Variants in PARD3B observed in about 807,000 individuals in gnomAD.
PARD3B encodes the protein par-3 family cell polarity regulator beta.
Under a neutral mutation model 130.2 loss-of-function variants are expected in PARD3B, and 103 were observed. That is an observed-to-expected ratio of 0.79 (90% CI 0.67 to 0.93). The LOEUF is 0.93. PARD3B is among the 40% of genes least tolerant of loss of function. The pLI is 0.00. For missense variants in PARD3B, 1,609 were observed against 1,499.2 expected (o/e 1.07, Z -1.21); for synonymous variants, 583 against 553.2 (o/e 1.05, Z -0.76).
intron 16 of PARD3B, among the ~76,000 whole-genome samples, chr2:205,275,450 A>G (rs2040902007): frequency 1.3e-5 from 2 of 152,154 alleles, no homozygotes; most frequent in Non-Finnish European, 2.9e-5. Flanking sequence ...AAGAGTTGAT[A>G]ATGACTTCAT....
intron 22 of PARD3B, among the ~76,000 whole-genome samples, chr2:205,566,706 T>C (rs1402506484): frequency 6.6e-6 from 1 of 152,138 alleles, no homozygotes; most frequent in Non-Finnish European, 1.5e-5. Context: ...AGCAAATGTG[T>C]ATTCATGAAA....
chr2:204,690,285 G>T (rs745606239), intron 2 of PARD3B, among the ~76,000 whole-genome samples: 1 of 152,172 alleles, frequency 6.6e-6, no homozygotes, highest in Non-Finnish European at 1.5e-5. Flanking sequence ...TATAGACTGT[G>T]CTGTTTTCAG....
At chr2:205,131,916 C>T (rs2032038029) in intron 10 of PARD3B, among the ~76,000 whole-genome samples, 1 of 152,040 alleles carries the variant, frequency 6.6e-6, no homozygotes, top group African/African-American at 2.4e-5. Flanking sequence ...GAGCTTGGGA[C>T]CTGGAATCCG....
At position 205,473,696 on chromosome 2, in the gene PARD3B, A is replaced by ATG. The variant is rs1559127073; in HGVS notation, c.3045-26199_3045-26198insGT. Among the ~76,000 whole-genome samples, 4 of 124,618 alleles carry ATG rather than the reference A, an allele frequency of 3.2e-5. No individual in the cohort carries two copies. The highest frequency in any genetic ancestry group is 4.0e-4 in the East Asian group (2 of 5,018). The allele number at this position is 124,618 out of a possible 152,430, so 81.8% of individuals were successfully genotyped here. On this transcript the variant is annotated intron_variant, in intron 20 of 22. Transcript: ENST00000406610. This position sits in a 1 kb window ranked among gnomAD's most constrained non-coding sequence, Gnocchi z 4.9. ...TGTGTGTGTGTATGTATATATATAT[A>ATG]TATATATATATATACACACACACGT...
chr2:204,960,766 A>AT (rs1690678629), intron 2 of PARD3B, among the ~76,000 whole-genome samples: 1 of 152,140 alleles, frequency 6.6e-6, no homozygotes, highest in Admixed American at 6.6e-5. Context: ...TGGAGCTTAC[A>AT]TTCTAGTGAG....
intron 1 of PARD3B, among the ~76,000 whole-genome samples, chr2:204,624,389 C>G (rs2034409238): frequency 6.6e-6 from 1 of 151,996 alleles, no homozygotes; most frequent in Non-Finnish European, 1.5e-5. Context: ...ATGGTACAGG[C>G]TACCGTGCAA....
intron 2 of PARD3B, among the ~76,000 whole-genome samples, chr2:204,721,070 A>G (rs763033964): frequency 1.8e-4 from 27 of 152,286 alleles, no homozygotes; most frequent in Admixed American, 9.2e-4. Context: ...TAACTTAGTC[A>G]TGAGATCTCA....
intron 6 of PARD3B, among the ~76,000 whole-genome samples, chr2:205,117,938 T>TACACACACACACACACACACATACAC (rs1366473096): frequency 1.9e-5 from 2 of 107,784 alleles, no homozygotes; most frequent in South Asian, 8.1e-4. Context: ...CACACACACA[T>TACACACACACACACACACACATACAC]ACACACACAC....
chr2:204,787,470 A>G (rs935714871), intron 2 of PARD3B, among the ~76,000 whole-genome samples: 7 of 152,138 alleles, frequency 4.6e-5, no homozygotes, highest in Non-Finnish European at 7.3e-5. Flanking sequence ...GGAGGTGGCA[A>G]TTCTGGAAGG....
chr2:204,741,855 A>ATT (rs148523696), intron 2 of PARD3B, among the ~76,000 whole-genome samples: 10 of 150,656 alleles, frequency 6.6e-5, no homozygotes, highest in South Asian at 4.2e-4. Context: ...TCTAAAAGCA[A>ATT]TTTTTTTTTT....
chr2:205,581,428 TATATATA>T (rs2053983617), intron 22 of PARD3B, among the ~76,000 whole-genome samples: 1 of 132,132 alleles, frequency 7.6e-6, no homozygotes, highest in African/African-American at 2.7e-5. Flanking sequence ...AATATATAAA[TATATATA>T]AATATATATA....
chr2:205,608,531 A>T (rs2055104178), intron 22 of PARD3B, among the ~76,000 whole-genome samples: 1 of 152,204 alleles, frequency 6.6e-6, no homozygotes, highest in African/African-American at 2.4e-5. Context: ...CGCGCAGGAT[A>T]GCTTCTGCCT....
At chr2:205,035,669 A>G (rs1697766847) in intron 3 of PARD3B, among the ~76,000 whole-genome samples, 2 of 151,316 alleles carry the variant, frequency 1.3e-5, no homozygotes, top group Admixed American at 6.6e-5. Flanking sequence ...TATATTACTT[A>G]CCAAGATGAC....
intron 19 of PARD3B, among the ~76,000 whole-genome samples, chr2:205,412,578 C>T (rs530527024): frequency 6.6e-6 from 1 of 152,286 alleles, no homozygotes; most frequent in South Asian, 2.1e-4. Context: ...TCTCTATTGC[C>T]TACTGCATAC....
At chr2:205,401,298 T>C (rs1323318864) in intron 19 of PARD3B, among the ~76,000 whole-genome samples, 175 bp downstream of exon 19, 1 of 152,204 alleles carries the variant, frequency 6.6e-6, no homozygotes, top group African/African-American at 2.4e-5. Flanking sequence ...TTTTATTCTA[T>C]TTTGAGAAGA....
At chr2:205,221,724 G>GTCTC (rs10624083) in intron 15 of PARD3B, among the ~76,000 whole-genome samples, 80 of 150,992 alleles carry the variant, frequency 5.3e-4, no homozygotes, top group African/African-American at 8.7e-4. Context: ...ACCTAGCACT[G>GTCTC]TCTCTCTCTC....
chr2:204,990,393 T>G (rs116584222), intron 3 of PARD3B, among the ~76,000 whole-genome samples: 1 of 152,172 alleles, frequency 6.6e-6, no homozygotes, highest in Non-Finnish European at 1.5e-5. Context: ...TTTCTTTGTG[T>G]TGGGAACATT....
intron 2 of PARD3B, among the ~76,000 whole-genome samples, chr2:204,771,046 G>A (rs1574940959): frequency 6.6e-6 from 1 of 152,052 alleles, no homozygotes; most frequent in African/African-American, 2.4e-5. Context: ...GCTGGTGTTA[G>A]GTAAGAATTG....
intron 2 of PARD3B, among the ~76,000 whole-genome samples, chr2:204,963,594 T>G (rs1353944807): frequency 6.6e-6 from 1 of 152,142 alleles, no homozygotes; most frequent in African/African-American, 2.4e-5. Context: ...GTGATGAAAA[T>G]CACACATCCA....
Sources: allele counts gnomAD v4.1 joint callset (sites outside exome capture counted in the v4.1 genomes callset), GRCh38; gene constraint gnomAD v4.1.1; non-coding constraint Gnocchi (gnomAD v3.1); transcripts MANE v1.5; gene names NCBI Gene and HGNC (gene_info 2026-07-23, HGNC 2026-07-21).